Variants in MAGI2 observed in about 807,000 individuals in gnomAD.
MAGI2 encodes the protein membrane associated guanylate kinase, WW and PDZ domain containing 2, also known as membrane-associated guanylate kinase, WW and PDZ domain-containing protein 2.
In MAGI2, 35 loss-of-function variants were observed where a neutral mutation model predicts 133.3. The observed-to-expected ratio is 0.26, with a 90% CI of 0.20 to 0.35. The LOEUF is 0.35. MAGI2 is among the 10% of genes least tolerant of loss of function. MAGI2 has a pLI of 1.00. For missense variants in MAGI2, 1,636 were observed against 1,863.4 expected, an observed-to-expected ratio of 0.88 and a Z score of 2.25; for synonymous variants, 729 against 710.6, an observed-to-expected ratio of 1.03 and a Z score of -0.41.
intron 16 of MAGI2, among the ~76,000 whole-genome samples, chr7:78,138,944 G>A (rs1165756277): frequency 2.6e-5 from 4 of 152,170 alleles, no homozygotes; most frequent in Admixed American, 2.6e-4. Flanking sequence ...AATGACTATT[G>A]AGACTTAGTT....
At chr7:78,801,859 T>C (rs1788086529) in intron 2 of MAGI2, among the ~76,000 whole-genome samples, 1 of 152,200 alleles carries the variant, frequency 6.6e-6, no homozygotes, top group Non-Finnish European at 1.5e-5. Flanking sequence ...TCCTCCTTTA[T>C]CTATTGTTAC....
At chr7:78,440,035 CAT>C (rs577106802) in intron 6 of MAGI2, among the ~76,000 whole-genome samples, 1 of 151,384 alleles carries the variant, frequency 6.6e-6, no homozygotes, top group African/African-American at 2.4e-5. Flanking sequence ...GTTATATACA[CAT>C]ATATATATAA....
At chr7:78,569,607 A>C (rs1801302794) in intron 3 of MAGI2, among the ~76,000 whole-genome samples, 1 of 152,236 alleles carries the variant, frequency 6.6e-6, no homozygotes, top group Non-Finnish European at 1.5e-5. Flanking sequence ...AAAACATTAA[A>C]TCATTCCAAC....
At chr7:78,939,698 T>A (rs1800819279) in intron 2 of MAGI2, among the ~76,000 whole-genome samples, 1 of 152,298 alleles carries the variant, frequency 6.6e-6, no homozygotes, top group South Asian at 2.1e-4. Context: ...GGGATGGGGA[T>A]CTCTCAATGG....
intron 2 of MAGI2, among the ~76,000 whole-genome samples, chr7:78,893,573 C>A (rs12538009): frequency 0.52 from 78,647 of 151,896 alleles, 21,992 homozygotes; most frequent in South Asian, 0.68. Flanking sequence ...AGTTCATGTC[C>A]TTTGTAGGGA....
chr7:78,512,899 C>A (rs990097435), intron 4 of MAGI2, among the ~76,000 whole-genome samples: 6 of 152,112 alleles, frequency 3.9e-5, no homozygotes, highest in Non-Finnish European at 7.4e-5. Context: ...TTTCCTAAAA[C>A]TAAATTGAAA....
Position 78,783,119 on chromosome 7 carries a change from C to T in MAGI2, c.419-155880G>A, listed in dbSNP as rs867230601. Among the ~76,000 whole-genome samples, 16 of 149,156 alleles carry T rather than the reference C, an allele frequency of 1.1e-4. No individual in the cohort carries two copies. The South Asian group carries it at 1.9e-3, about 18-fold the overall frequency. On this transcript the variant is annotated intron_variant, in intron 2 of 21. Transcript: ENST00000354212. ...CTCTCCATTTATATTCCCCACAGCA[C>T]GTAGCAGAGTGCCCAAGAAAAATAT...
intron 2 of MAGI2, among the ~76,000 whole-genome samples, chr7:78,903,685 G>T (rs151157538): frequency 6.1e-4 from 93 of 152,122 alleles, no homozygotes; most frequent in African/African-American, 2.1e-3. Flanking sequence ...CATACATTTT[G>T]ACATACAGAA....
chr7:78,281,884 CA>C lies in MAGI2; in HGVS notation c.1409-25304del, dbSNP rs60871451. Among the ~76,000 whole-genome samples the C allele has an allele frequency of 8.4e-3, 1,179 of 139,578 alleles. 9 individuals carry two copies. The highest frequency in any genetic ancestry group is 0.024 in the African/African-American group (934 of 38,622). 91.6% of individuals were successfully genotyped at this position (139,578 alleles called of 152,430 possible). A position where few individuals can be genotyped will look rare whatever the true frequency, so the allele number is the denominator to read the frequency against. ...AATAAGATGGAGCAAAACTCCATCTCAAAAAAAAAAAAAGGAGAAAACTTGC... is the reference window on the plus strand; with the variant it reads ...AATAAGATGGAGCAAAACTCCATCTCAAAAAAAAAAAAGGAGAAAACTTGC... On this transcript the variant is annotated intron_variant, in intron 9 of 21. Transcript: ENST00000354212.
intron 3 of MAGI2, among the ~76,000 whole-genome samples, chr7:78,562,885 C>T (rs1057486003): frequency 1.4e-4 from 21 of 152,082 alleles, no homozygotes; most frequent in African/African-American, 4.8e-4. Context: ...TTGCTTTGCA[C>T]CTTCCCATTT....
intron 1 of MAGI2, among the ~76,000 whole-genome samples, chr7:79,322,831 A>T (rs754044220): frequency 1.8e-4 from 28 of 151,898 alleles, no homozygotes; most frequent in Admixed American, 7.2e-4. Flanking sequence ...TGTGGATGAA[A>T]TGACTTTATA....
At chr7:78,655,005 AG>A (rs1358459697) in intron 2 of MAGI2, among the ~76,000 whole-genome samples, 2 of 151,814 alleles carry the variant, frequency 1.3e-5, no homozygotes, top group African/African-American at 4.8e-5. Context: ...ATGCTGTTTC[AG>A]GATAAATGCT....
intron 6 of MAGI2, among the ~76,000 whole-genome samples, chr7:78,439,057 C>T (rs1413603837): frequency 6.6e-6 from 1 of 152,156 alleles, no homozygotes; most frequent in Admixed American, 6.5e-5. Context: ...CCATACTGCC[C>T]TCTGGATTAC....
chr7:78,130,826 G>C (rs1821491716), intron 18 of MAGI2, among the ~76,000 whole-genome samples: 2 of 152,346 alleles, frequency 1.3e-5, no homozygotes, highest in South Asian at 4.1e-4. Flanking sequence ...CCCAGAGTTA[G>C]GAATATTTCA....
At chr7:78,908,371 T>C (rs1798139594) in intron 2 of MAGI2, among the ~76,000 whole-genome samples, 2 of 152,208 alleles carry the variant, frequency 1.3e-5, no homozygotes, top group African/African-American at 4.8e-5. Flanking sequence ...GTTGACACAG[T>C]TGACAGTAAT....
Position 79,076,234 on chromosome 7 carries a change from A to AACCAAGT in MAGI2, c.302-69035_302-69029dup, listed in dbSNP as rs547337064. ...GCATCCTAGAGATATATTGGCTCTG[A>AACCAAGT]ACCAAGTACCTAGGTACTAACTAGT... is the stretch of plus-strand genomic sequence containing the variant. On this transcript the variant is annotated intron_variant, in intron 1 of 21. Coordinates refer to ENST00000354212, the MANE Select transcript of MAGI2 (RefSeq NM_012301.4). Among the ~76,000 whole-genome samples, 636 of 152,284 alleles carry AACCAAGT rather than the reference A, an allele frequency of 4.2e-3. 6 individuals carry two copies. The highest frequency in any genetic ancestry group is 0.014 in the African/African-American group (594 of 41,562).
At chr7:79,362,614 G>C (rs188689247) in intron 1 of MAGI2, among the ~76,000 whole-genome samples, 306 of 152,020 alleles carry the variant, frequency 2.0e-3, no homozygotes, top group Non-Finnish European at 3.6e-3. Flanking sequence ...ATTCATTTCA[G>C]GTATGTAAGG....
At chr7:78,545,576 G>C (rs1446576383) in intron 3 of MAGI2, among the ~76,000 whole-genome samples, 1 of 152,100 alleles carries the variant, frequency 6.6e-6, no homozygotes, top group Non-Finnish European at 1.5e-5. Context: ...GAGACCTGAA[G>C]GGCTATCATG....
At position 78,079,073 on chromosome 7, in the gene MAGI2, T is replaced by C. The variant is rs1455362321; in HGVS notation, c.3580A>G (p.Ile1194Val). The change falls in exon 21 of 22, where the codon ATC becomes GTC. Residue 1194 changes from isoleucine to valine, a missense_variant. Physicochemically the swap from Ile to Val is conservative, Grantham distance 29. This residue lies in a region of MAGI2 where 49 missense variants were observed against 103.8 expected (regional missense o/e 0.47). Transcript: ENST00000354212. ...GTGCTTTCCCCATTGATTTCAATGATTTGATCTCCTACCTGTTGATTAAAG... is the reference window on the plus strand; with the variant it reads ...GTGCTTTCCCCATTGATTTCAATGACTTGATCTCCTACCTGTTGATTAAAG... ...RNGRMRVGDQ[I>V]IEINGESTRD... 1 of 1,613,810 alleles carries C rather than the reference T, an allele frequency of 6.2e-7. No individual in the cohort carries two copies. The highest frequency in any genetic ancestry group is 8.5e-7 in the Non-Finnish European group (1 of 1,179,930).
Sources: gnomAD v4.1 joint callset for allele counts (sites outside exome capture counted in the v4.1 genomes callset) on GRCh38, gnomAD v4.1.1 for gene constraint, gnomAD v4.1.1 regional missense constraint, MANE v1.5 for transcripts, NCBI Gene and HGNC (gene_info 2026-07-23, HGNC 2026-07-21) for gene names.